The following TJP1 variants were observed in gnomAD, a reference collection of about 807,000 sequenced individuals.
The protein encoded by TJP1 is tight junction protein ZO-1.
A neutral mutation model predicts 194.2 loss-of-function variants in TJP1; 43 were observed. The observed-to-expected ratio is 0.22, with a 90% CI of 0.17 to 0.29. The LOEUF (loss-of-function observed/expected upper bound fraction) is 0.29, where lower values mean the gene tolerates loss of function less well. Ranked by LOEUF, TJP1 falls within the 10% of genes least tolerant of loss-of-function variation. The pLI, the probability that TJP1 is intolerant of heterozygous loss-of-function variation, is 1.00. For synonymous variants in TJP1, 801 were observed against 779.0 expected (o/e 1.03, Z -0.47); for missense variants, 1,971 against 2,185.7 (o/e 0.90, Z 1.96).
intron 1 of TJP1, among the ~76,000 whole-genome samples, chr15:29,963,051 G>T (rs2056214307): frequency 6.6e-6 from 1 of 152,202 alleles, no homozygotes; most frequent in African/African-American, 2.4e-5. Flanking sequence ...TGAGGCAGAA[G>T]AATCACTTGC....
intron 2 of TJP1, among the ~76,000 whole-genome samples, chr15:29,839,521 T>A (rs1046241076): frequency 6.6e-6 from 1 of 152,132 alleles, no homozygotes; most frequent in African/African-American, 2.4e-5. Context: ...GGTGTGCACC[T>A]GTAGTCCCAG....
intron 2 of TJP1, among the ~76,000 whole-genome samples, chr15:29,780,459 G>C (rs1334818188): frequency 6.6e-6 from 1 of 152,090 alleles, no homozygotes; most frequent in Non-Finnish European, 1.5e-5. Flanking sequence ...GAGAGCAATG[G>C]GGGGTGGCTG....
intron 8 of TJP1, among the ~76,000 whole-genome samples, chr15:29,753,344 C>G (rs184465275): frequency 6.6e-6 from 1 of 151,702 alleles, no homozygotes; most frequent in Non-Finnish European, 1.5e-5. Flanking sequence ...ATTAGCCAGG[C>G]GTGGTGGCGG....
Position 29,720,346 on chromosome 15 carries a change from C to T in TJP1, c.2763+12G>A. 3 of 1,544,356 alleles carry T rather than the reference C, an allele frequency of 1.9e-6. No individual in the cohort carries two copies. Among genetic ancestry groups the T allele is most frequent in the African/African-American group, 1.4e-5 (1 of 72,448 alleles). On this transcript the variant is annotated intron_variant, in intron 19 of 27. Transcript: ENST00000614355. ...ACCTCTATCTACAAAACGTTGAATG[C>T]TTGCTGCTTACCTGTTGAGAGGCTG...
chr15:29,868,746 T>C (rs1328881842), intron 2 of TJP1, among the ~76,000 whole-genome samples: 1 of 152,186 alleles, frequency 6.6e-6, no homozygotes, highest in African/African-American at 2.4e-5. Flanking sequence ...AGATCAGTTC[T>C]GGGGACATAA....
At chr15:29,841,599 G>C (rs528677849) in intron 2 of TJP1, among the ~76,000 whole-genome samples, 5 of 152,014 alleles carry the variant, frequency 3.3e-5, no homozygotes, top group Non-Finnish European at 5.9e-5. Context: ...TCATGTATAG[G>C]CTATAAAATC....
At chr15:29,819,410 C>T (rs975591145) in intron 1 of TJP1, among the ~76,000 whole-genome samples, 3 of 152,124 alleles carry the variant, frequency 2.0e-5, no homozygotes, top group Admixed American at 2.0e-4. Context: ...GATAATAGTT[C>T]ACTTCATAGG....
intron 1 of TJP1, among the ~76,000 whole-genome samples, chr15:29,963,000 G>C (rs1298866870): frequency 6.6e-6 from 1 of 152,146 alleles, no homozygotes; most frequent in African/African-American, 2.4e-5. Context: ...AATTAGCCAG[G>C]TGTGGTGGTG....
chr15:29,887,200 T>C (rs910140881), intron 2 of TJP1, among the ~76,000 whole-genome samples: 3 of 151,032 alleles, frequency 2.0e-5, no homozygotes, highest in African/African-American at 7.3e-5. Context: ...ATATTCCACA[T>C]GAATTTAGAG....
At chr15:29,919,287 G>A (rs2054282373) in intron 2 of TJP1, among the ~76,000 whole-genome samples, 1 of 152,204 alleles carries the variant, frequency 6.6e-6, no homozygotes. Context: ...AGGGGCAGCA[G>A]GCCCAGAGGG....
At chr15:29,874,118 C>T (rs189275181) in intron 2 of TJP1, among the ~76,000 whole-genome samples, 1 of 152,258 alleles carries the variant, frequency 6.6e-6, no homozygotes, top group Non-Finnish European at 1.5e-5. Flanking sequence ...TTCAGGTTTC[C>T]CATTTAAGGC....
intron 1 of TJP1, among the ~76,000 whole-genome samples, chr15:29,816,192 TAA>T (rs1418240872): frequency 6.6e-6 from 1 of 152,066 alleles, no homozygotes; most frequent in Admixed American, 6.6e-5. Flanking sequence ...CACACCCGGC[TAA>T]TTTTTGTATT....
At chr15:29,936,472 C>A (rs983914559) in intron 2 of TJP1, among the ~76,000 whole-genome samples, 18 of 152,184 alleles carry the variant, frequency 1.2e-4, no homozygotes. Context: ...CCTAAGCCAT[C>A]CTGACCAAGC....
At chr15:29,813,403 G>C (rs1237832674) in intron 1 of TJP1, among the ~76,000 whole-genome samples, 1 of 152,114 alleles carries the variant, frequency 6.6e-6, no homozygotes, top group Non-Finnish European at 1.5e-5. Context: ...AAAAGCCACA[G>C]AAGTCTAACT....
intron 2 of TJP1, among the ~76,000 whole-genome samples, chr15:29,773,764 A>AT (rs2151650310): frequency 6.6e-6 from 1 of 152,236 alleles, no homozygotes; most frequent in East Asian, 1.9e-4. Context: ...TTTTACATAA[A>AT]TATCAATTGC....
intron 2 of TJP1, among the ~76,000 whole-genome samples, chr15:29,797,570 T>C (rs2048495107): frequency 6.9e-6 from 1 of 145,128 alleles, no homozygotes; most frequent in Non-Finnish European, 1.5e-5. Context: ...AGAATCTGTA[T>C]CCTGAATACG....
chr15:29,699,613 T>C (rs2041422345), downstream of TJP1: 1 of 152,206 alleles, frequency 6.6e-6, no homozygotes, highest in Non-Finnish European at 1.5e-5. Flanking sequence ...ATGAAAAAAA[T>C]AAAATCCACA....
intron 2 of TJP1, among the ~76,000 whole-genome samples, chr15:29,955,146 A>G (rs2055890008): frequency 6.6e-6 from 1 of 152,194 alleles, no homozygotes; most frequent in Non-Finnish European, 1.5e-5. Context: ...GTAGTTATAG[A>G]TAAGAGATGA....
intron 1 of TJP1, among the ~76,000 whole-genome samples, chr15:29,801,555 G>A (rs904901933): frequency 1.7e-4 from 25 of 149,752 alleles, no homozygotes; most frequent in African/African-American, 5.4e-4. Context: ...TCCGCCTCCC[G>A]GGTTCACGCC....
Sources: gnomAD v4.1 joint callset for allele counts (sites outside exome capture counted in the v4.1 genomes callset) on GRCh38, gnomAD v4.1.1 for gene constraint, MANE v1.5 for transcripts, NCBI Gene and HGNC (gene_info 2026-07-23, HGNC 2026-07-21) for gene names.